ZDHHC21: variants seen among roughly 807,000 people sequenced by gnomAD.
ZDHHC21 encodes zDHHC palmitoyltransferase 21, also known as palmitoyltransferase ZDHHC21.
A neutral mutation model predicts 34.6 loss-of-function variants in ZDHHC21; 15 were observed. The ratio of observed to expected loss-of-function variants is 0.43; its 90% CI spans 0.29 to 0.67. The LOEUF (loss-of-function observed/expected upper bound fraction) is 0.67. Among genes scored for constraint, ZDHHC21 ranks in the 30% least tolerant of loss-of-function variants. ZDHHC21 has a pLI of 0.14. For synonymous variants in ZDHHC21, 142 were observed against 101.8 expected (o/e 1.40, Z -2.38); for missense variants, 344 against 327.7 (o/e 1.05, Z -0.38).
At chr9:14,609,335 A>C (rs1228505481), downstream of ZDHHC21, among the ~76,000 whole-genome samples, 2 of 152,102 alleles carry the variant, frequency 1.3e-5, no homozygotes, top group Non-Finnish European at 1.5e-5. Flanking sequence ...TGCAAGCTGA[A>C]CTAGCCACTT....
chr9:14,650,327 C>T (rs1323682001), intron 7 of ZDHHC21, among the ~76,000 whole-genome samples: 1 of 151,792 alleles, frequency 6.6e-6, no homozygotes, highest in Non-Finnish European at 1.5e-5. Flanking sequence ...AACAAAAAAG[C>T]CAAATTACTT....
intron 7 of ZDHHC21, among the ~76,000 whole-genome samples, chr9:14,657,105 A>G (rs1564314347): frequency 6.6e-6 from 1 of 152,046 alleles, no homozygotes; most frequent in Non-Finnish European, 1.5e-5. Context: ...TTTCATTTGG[A>G]GAAGAAAATT....
intron 8 of ZDHHC21, chr9:14,622,758 G>A (rs867075456): frequency 8.1e-6 from 8 of 984,866 alleles, no homozygotes; most frequent in African/African-American, 1.7e-5. Flanking sequence ...CTGGAAGTAA[G>A]AGCCATTGCC....
chr9:14,604,945 T>G, the ZDHHC21 span, among the ~76,000 whole-genome samples: 13 of 152,160 alleles, frequency 8.5e-5, no homozygotes, highest in Admixed American at 8.5e-4. Context: ...TACTTCATAT[T>G]GGTGAAATCA....
intron 8 of ZDHHC21, among the ~76,000 whole-genome samples, chr9:14,633,186 A>G (rs1170301344): frequency 6.6e-6 from 1 of 152,198 alleles, no homozygotes; most frequent in Non-Finnish European, 1.5e-5. Flanking sequence ...GTAGATAATC[A>G]CACGTAAAAT....
intron 7 of ZDHHC21, among the ~76,000 whole-genome samples, chr9:14,644,645 T>A (rs1375214312): frequency 6.6e-6 from 1 of 152,068 alleles, no homozygotes; most frequent in East Asian, 1.9e-4. Flanking sequence ...ATGCTCTATT[T>A]GAATTTTTTT....
intron 3 of ZDHHC21, among the ~76,000 whole-genome samples, chr9:14,678,154 C>A (rs1836760053): frequency 6.6e-6 from 1 of 152,054 alleles, no homozygotes. Context: ...TGAAATTTTT[C>A]CTGGCACTTC....
chr9:14,664,145 G>T (rs1461285326), intron 5 of ZDHHC21, among the ~76,000 whole-genome samples: 2 of 152,122 alleles, frequency 1.3e-5, no homozygotes, highest in Non-Finnish European at 2.9e-5. Context: ...CAGGCCAGCG[G>T]GTGCGCGCAC....
intron 6 of ZDHHC21, among the ~76,000 whole-genome samples, chr9:14,659,679 G>GT (rs1316437097): frequency 6.6e-6 from 1 of 152,178 alleles, no homozygotes; most frequent in Admixed American, 6.5e-5. Context: ...AAGAAACGAT[G>GT]TAACAGGTTT....
chr9:14,592,380 T>C, the ZDHHC21 span, among the ~76,000 whole-genome samples: 1 of 152,084 alleles, frequency 6.6e-6, no homozygotes, highest in African/African-American at 2.4e-5. Context: ...ACATATTTAC[T>C]GCTTCATGAA....
At chr9:14,679,950 G>A (rs1280930375) in intron 3 of ZDHHC21, 83 bp downstream of exon 3, 2 of 152,434 alleles carry the variant, frequency 1.3e-5, no homozygotes, top group Non-Finnish European at 2.9e-5. Context: ...TGACAATTAA[G>A]TGCATCTAAG....
At chr9:14,622,514 T>A in intron 8 of ZDHHC21, 1 of 985,186 alleles carries the variant, frequency 1.0e-6, no homozygotes, top group Non-Finnish European at 1.2e-6. Flanking sequence ...CAAGAATTTA[T>A]CACCAGAGGT....
At chr9:14,688,681 G>C (rs778774830) in intron 2 of ZDHHC21, among the ~76,000 whole-genome samples, 23 of 152,152 alleles carry the variant, frequency 1.5e-4, no homozygotes, top group African/African-American at 5.6e-4. Flanking sequence ...GGCCAACGTC[G>C]TGAAACCCCA....
the ZDHHC21 span, among the ~76,000 whole-genome samples, chr9:14,596,190 A>T: frequency 6.6e-6 from 1 of 152,244 alleles, no homozygotes. Context: ...ATGAATCGAT[A>T]ACAAATTGAA....
chr9:14,611,723 C>G lies in ZDHHC21; in HGVS notation c.*7243G>C, dbSNP rs1345858092. On this transcript the variant is annotated 3_prime_UTR_variant, in exon 10 of 10. Transcript: ENST00000380916. The stretch of plus-strand genomic sequence containing the variant: ...GATCACACACAAAAAAACACTAATT[C>G]CAGGGACACAAAGTGAGCTCATACA... 1 of 151,902 alleles carries G rather than the reference C, an allele frequency of 6.6e-6. No homozygotes were observed. The highest frequency in any genetic ancestry group is 2.4e-5 in the African/African-American group (1 of 41,398). 9.4% of individuals were successfully genotyped at this position (151,902 alleles called of 1,614,324 possible). A position where few individuals can be genotyped will look rare whatever the true frequency, so the allele number is the denominator to read the frequency against.
At chr9:14,630,129 C>T (rs146734280) in intron 8 of ZDHHC21, among the ~76,000 whole-genome samples, 34 of 152,272 alleles carry the variant, frequency 2.2e-4, no homozygotes, top group East Asian at 1.9e-3. Flanking sequence ...CTGTAGCATG[C>T]GATGCAATTT....
chr9:14,619,215 C>T, intron 9 of ZDHHC21, 117 bp from the exon 10 acceptor site: 1 of 1,106,984 alleles, frequency 9.0e-7, no homozygotes, highest in South Asian at 1.9e-5. Flanking sequence ...TGTGTCCCAG[C>T]ATCATAAATA....
At chr9:14,661,787 G>C (rs1323984198) in intron 6 of ZDHHC21, among the ~76,000 whole-genome samples, 1 of 152,154 alleles carries the variant, frequency 6.6e-6, no homozygotes, top group Non-Finnish European at 1.5e-5. Flanking sequence ...GTAAGGAAGA[G>C]GTTATCAGGG....
At chr9:14,658,714 G>A (rs199659013) in intron 7 of ZDHHC21, 35 bp downstream of exon 7, 51 of 1,593,594 alleles carry the variant, frequency 3.2e-5, no homozygotes, top group Non-Finnish European at 3.9e-5. Context: ...CTCGTGATCC[G>A]CCCGCCTCGG....
Sources: gnomAD v4.1 joint callset for allele counts (sites outside exome capture counted in the v4.1 genomes callset) on GRCh38, gnomAD v4.1.1 for gene constraint, MANE v1.5 for transcripts, NCBI Gene and HGNC (gene_info 2026-07-23, HGNC 2026-07-21) for gene names.